Variants in NTM observed in about 807,000 individuals in gnomAD.
NTM encodes the protein IgLON family member 2.
Under a neutral mutation model 42.1 loss-of-function variants are expected in NTM, and 13 were observed. That is an observed-to-expected ratio of 0.31 (90% confidence interval 0.20 to 0.49). NTM has a LOEUF of 0.49. Ranked by LOEUF, NTM falls within the 20% of genes least tolerant of loss-of-function variation. The pLI, the probability that NTM is intolerant of heterozygous loss-of-function variation, is 0.99. For missense variants in NTM, 373 were observed against 452.8 expected (o/e 0.82, Z 1.60); for synonymous variants, 187 against 179.2 (o/e 1.04, Z -0.35).
intron 1 of NTM, among the ~76,000 whole-genome samples, chr11:131,390,492 C>A (rs183486151): frequency 1.3e-5 from 2 of 152,060 alleles, no homozygotes; most frequent in African/African-American, 4.8e-5. Context: ...GAGCACTTGG[C>A]CCCTACACTT....
At chr11:131,468,557 T>C (rs1260360565) in intron 1 of NTM, among the ~76,000 whole-genome samples, 2 of 152,230 alleles carry the variant, frequency 1.3e-5, no homozygotes, top group Non-Finnish European at 2.9e-5. Context: ...GTTTTTTTTC[T>C]ATAGATTTTA....
chr11:131,746,706 A>G (rs1205011821), intron 1 of NTM, among the ~76,000 whole-genome samples: 2 of 152,208 alleles, frequency 1.3e-5, no homozygotes, highest in Non-Finnish European at 2.9e-5. Flanking sequence ...TCAGTTTTAT[A>G]AATGATGGGA....
At chr11:132,045,790 G>C (rs182535139) in intron 2 of NTM, among the ~76,000 whole-genome samples, 1 of 152,250 alleles carries the variant, frequency 6.6e-6, no homozygotes, top group African/African-American at 2.4e-5. Context: ...AGCCATATAT[G>C]TCGGTGTTCC....
At chr11:132,320,802 G>A (rs1220637850) in intron 7 of NTM, among the ~76,000 whole-genome samples, 15 of 151,656 alleles carry the variant, frequency 9.9e-5, no homozygotes, top group East Asian at 5.9e-4. Context: ...GAGAGCAGTG[G>A]TTCTCCCAGT....
intron 1 of NTM, among the ~76,000 whole-genome samples, chr11:131,669,469 G>A (rs2069716244): frequency 6.6e-6 from 1 of 152,206 alleles, no homozygotes; most frequent in African/African-American, 2.4e-5. Flanking sequence ...CTTCATAGAT[G>A]CCACTGATAA....
At chr11:132,026,701 T>C (rs2075231029) in intron 2 of NTM, among the ~76,000 whole-genome samples, 1 of 152,212 alleles carries the variant, frequency 6.6e-6, no homozygotes, top group Non-Finnish European at 1.5e-5. Context: ...TTATTTTTGC[T>C]GTGGTTTTGT....
At chr11:132,283,790 C>T (rs2094108401) in intron 4 of NTM, among the ~76,000 whole-genome samples, 1 of 152,084 alleles carries the variant, frequency 6.6e-6, no homozygotes, top group African/African-American at 2.4e-5. Flanking sequence ...GAAATGTGCC[C>T]TCCTGTTCAA....
chr11:131,374,817 G>C (rs1391159380), intron 1 of NTM, among the ~76,000 whole-genome samples: 1 of 152,182 alleles, frequency 6.6e-6, no homozygotes, highest in Non-Finnish European at 1.5e-5. Context: ...TGGGGCACAT[G>C]ATTCTGACGT....
At chr11:131,953,847 A>T (rs2061283733) in intron 2 of NTM, among the ~76,000 whole-genome samples, 2 of 152,186 alleles carry the variant, frequency 1.3e-5, no homozygotes, top group South Asian at 4.1e-4. Flanking sequence ...AAAAATGAGG[A>T]GAAGAGAGAT....
chr11:132,021,903 C>T (rs1296087751), intron 2 of NTM, among the ~76,000 whole-genome samples: 1 of 152,180 alleles, frequency 6.6e-6, no homozygotes, highest in Non-Finnish European at 1.5e-5. Context: ...GCTTCAGTGT[C>T]AACTAAGAAT....
chr11:131,900,837 T>C (rs1196158597), intron 1 of NTM, among the ~76,000 whole-genome samples: 1 of 152,214 alleles, frequency 6.6e-6, no homozygotes, highest in African/African-American at 2.4e-5. Flanking sequence ...CAATTTTGAG[T>C]AAAAATAACA....
chr11:131,538,466 T>C (rs1421378203), intron 1 of NTM: 1 of 152,214 alleles, frequency 6.6e-6, no homozygotes, highest in Non-Finnish European at 1.5e-5. Context: ...TCCTACTCTG[T>C]ATATGGTACT....
chr11:131,426,935 T>C (rs1948184392), intron 1 of NTM, among the ~76,000 whole-genome samples: 1 of 152,190 alleles, frequency 6.6e-6, no homozygotes. Context: ...TATGAGATGC[T>C]GTCATTCTAT....
At chr11:132,268,823 T>C (rs1481744475) in intron 4 of NTM, among the ~76,000 whole-genome samples, 1 of 152,142 alleles carries the variant, frequency 6.6e-6, no homozygotes, top group Non-Finnish European at 1.5e-5. Context: ...AGTAACATTG[T>C]CTACGCTCTC....
rs369447217 is a variant in NTM, at chr11:131,936,269, T to A, written c.167+24621T>A. On this transcript the variant is annotated intron_variant, in intron 2 of 8. Transcript: ENST00000683400. The stretch of plus-strand genomic sequence containing the variant: ...ACTTCAGTTTATCTTGGAATTCATT[T>A]CTATCCTATATTGCATTCCTCTATA... 2.1e-3 allele frequency among the ~76,000 whole-genome samples: 322 copies of A among 152,370 alleles called. 4 individuals carry two copies. In the South Asian group the frequency reaches 0.039, roughly 18 times the overall value.
In NTM at chr11:132,174,386, G is replaced by T. The variant is rs995140452; in HGVS notation, c.400+27872G>T. Among the ~76,000 whole-genome samples, 41 of 152,220 alleles carry T rather than the reference G, an allele frequency of 2.7e-4. 1 individual carries two copies. The highest frequency in any genetic ancestry group is 9.2e-4 in the African/African-American group (38 of 41,452). On this transcript the variant is annotated intron_variant, in intron 3 of 8. Transcript: ENST00000683400. Reference sequence around the variant, plus strand: ...AAACTAATGACCCCTGTACTTATGTGATGCATTATTTTAGGCTCTAAAAAA... The same window carrying T: ...AAACTAATGACCCCTGTACTTATGTTATGCATTATTTTAGGCTCTAAAAAA...
chr11:131,963,006 C>G (rs1333134649), intron 2 of NTM, among the ~76,000 whole-genome samples: 1 of 152,160 alleles, frequency 6.6e-6, no homozygotes, highest in Non-Finnish European at 1.5e-5. Flanking sequence ...CATTTCATAT[C>G]CCTGACACAG....
At chr11:131,375,724 A>G (rs1457786320) in intron 1 of NTM, among the ~76,000 whole-genome samples, 1 of 152,136 alleles carries the variant, frequency 6.6e-6, no homozygotes, top group Non-Finnish European at 1.5e-5. Flanking sequence ...AAAGGGTGGG[A>G]AAAAAAGAGC....
At chr11:131,747,766 C>G (rs2081998515) in intron 1 of NTM, among the ~76,000 whole-genome samples, 1 of 152,166 alleles carries the variant, frequency 6.6e-6, no homozygotes, top group Admixed American at 6.5e-5. Context: ...AAGGGAATTT[C>G]CTGAAAGCTC....
Sources: gnomAD v4.1 joint callset for allele counts (sites outside exome capture counted in the v4.1 genomes callset) on GRCh38, gnomAD v4.1.1 for gene constraint, MANE v1.5 for transcripts, NCBI Gene and HGNC (gene_info 2026-07-23, HGNC 2026-07-21) for gene names.